The following LDB2 variants were observed in gnomAD, a reference collection of about 807,000 sequenced individuals.
LDB2 encodes the protein LIM domain binding 2, also known as LIM domain-binding protein 2.
LDB2 carries 12 observed loss-of-function variants against 44.3 expected under a neutral mutation model. The ratio of observed to expected loss-of-function variants is 0.27; its 90% CI spans 0.17 to 0.44. LDB2 has a LOEUF of 0.44. Ranked by LOEUF, LDB2 falls within the 20% of genes least tolerant of loss-of-function variation. The pLI is 1.00. For missense variants in LDB2, 344 were observed against 473.5 expected (o/e 0.73, Z 2.54); for synonymous variants, 164 against 174.8 (o/e 0.94, Z 0.49).
At chr4:16,610,866 G>A (rs1163435757) in intron 2 of LDB2, among the ~76,000 whole-genome samples, 6 of 152,150 alleles carry the variant, frequency 3.9e-5, no homozygotes, top group African/African-American at 1.4e-4. Context: ...TACAGAGAAC[G>A]CCATTAAGAT....
At chr4:16,512,819 T>C (rs188056850) in intron 5 of LDB2, among the ~76,000 whole-genome samples, 27 of 152,344 alleles carry the variant, frequency 1.8e-4, no homozygotes, top group Non-Finnish European at 3.4e-4. Flanking sequence ...TTTTTCAGCC[T>C]TACTTTGGTC....
intron 5 of LDB2, among the ~76,000 whole-genome samples, chr4:16,557,655 G>C (rs906647120): frequency 3.7e-4 from 57 of 152,338 alleles, no homozygotes; most frequent in African/African-American, 1.2e-3. Flanking sequence ...CAAACAAAAA[G>C]ACAGCAGTAA....
Position 16,582,884 on chromosome 4 carries a change from G to A in LDB2, c.615+3038C>T, listed in dbSNP as rs942831925. On this transcript the variant is annotated intron_variant, in intron 5 of 7. Coordinates refer to ENST00000304523, the MANE Select transcript of LDB2 (RefSeq NM_001290.5). The surrounding 1 kb of genome is among the most constrained non-coding windows in gnomAD (Gnocchi z 4.8). Reference sequence around the variant, plus strand: ...CTCTAACCTTGTCATGCTGGGATGCGACAGGAGGGAACGACAAGAGGGAAC... The same window carrying A: ...CTCTAACCTTGTCATGCTGGGATGCAACAGGAGGGAACGACAAGAGGGAAC... Among the ~76,000 whole-genome samples the A allele has an allele frequency of 1.3e-5, 2 of 152,048 alleles. No individual in the cohort carries two copies. The highest frequency in any genetic ancestry group is 2.4e-5 in the African/African-American group (1 of 41,394).
At chr4:16,712,169 TA>T (rs1756030327) in intron 2 of LDB2, among the ~76,000 whole-genome samples, 1 of 152,118 alleles carries the variant, frequency 6.6e-6, no homozygotes, top group Non-Finnish European at 1.5e-5. Flanking sequence ...ATATATCCAG[TA>T]AGGGAATTGT....
intron 1 of LDB2, among the ~76,000 whole-genome samples, chr4:16,846,522 A>G (rs570176705): frequency 6.6e-6 from 1 of 152,352 alleles, no homozygotes; most frequent in East Asian, 1.9e-4. Context: ...ATGCATGGAA[A>G]TCAGACTTTT....
chr4:16,810,138 A>G (rs1223838071), intron 1 of LDB2, among the ~76,000 whole-genome samples: 1 of 152,170 alleles, frequency 6.6e-6, no homozygotes, highest in Non-Finnish European at 1.5e-5. Context: ...ATGTGTGGTA[A>G]TTAATTCTTC....
intron 2 of LDB2, among the ~76,000 whole-genome samples, chr4:16,715,060 A>T (rs1157740185): frequency 1.3e-5 from 2 of 152,154 alleles, no homozygotes; most frequent in Admixed American, 1.3e-4. Flanking sequence ...GTCATATGTG[A>T]CCAGCTTGTT....
chr4:16,601,615 T>C (rs991834326), intron 2 of LDB2, among the ~76,000 whole-genome samples: 2 of 152,188 alleles, frequency 1.3e-5, no homozygotes, highest in African/African-American at 2.4e-5. Context: ...TTTACCATAC[T>C]AGGATTTAAA....
intron 1 of LDB2, among the ~76,000 whole-genome samples, chr4:16,875,147 A>C (rs1398819038): frequency 6.6e-6 from 1 of 152,170 alleles, no homozygotes; most frequent in Admixed American, 6.5e-5. Context: ...CTGAGAATCA[A>C]TAGCAGCTGG....
chr4:16,630,661 G>A (rs1489482099), intron 2 of LDB2, among the ~76,000 whole-genome samples: 5 of 152,046 alleles, frequency 3.3e-5, no homozygotes, highest in African/African-American at 7.2e-5. Context: ...ATAAAGAGTC[G>A]AGACCCATCG....
At chr4:16,791,911 C>T (rs1775838103) in intron 1 of LDB2, among the ~76,000 whole-genome samples, 1 of 152,124 alleles carries the variant, frequency 6.6e-6, no homozygotes, top group Admixed American at 6.5e-5. Context: ...ATGGTGGTAC[C>T]TATTTACATG....
intron 2 of LDB2, among the ~76,000 whole-genome samples, chr4:16,675,692 T>C (rs1746100567): frequency 6.6e-6 from 1 of 152,218 alleles, no homozygotes. Context: ...CCTTTAACAC[T>C]ATCTATGTCT....
intron 1 of LDB2, among the ~76,000 whole-genome samples, chr4:16,815,836 T>G (rs999500719): frequency 4.6e-5 from 7 of 152,236 alleles, no homozygotes; most frequent in African/African-American, 1.7e-4. Context: ...CAGTGACATG[T>G]GGTCTTTCCA....
intron 2 of LDB2, among the ~76,000 whole-genome samples, chr4:16,701,721 G>A (rs1753484485): frequency 1.3e-5 from 2 of 152,212 alleles, no homozygotes; most frequent in African/African-American, 4.8e-5. Flanking sequence ...ACGGCTTGTG[G>A]CGTTCAGGCT....
chr4:16,772,285 A>G (rs965614095), intron 1 of LDB2, among the ~76,000 whole-genome samples: 37 of 152,216 alleles, frequency 2.4e-4, no homozygotes, highest in African/African-American at 8.0e-4. Flanking sequence ...ACATACAAAA[A>G]ATTGTGTTCA....
At chr4:16,812,582 TTATATA>T (rs6148319) in intron 1 of LDB2, among the ~76,000 whole-genome samples, 67,601 of 115,048 alleles carry the variant, frequency 0.59, 20,191 homozygotes, top group South Asian at 0.7. Context: ...ATCAATGAAA[TTATATA>T]TATATATATA....
intron 2 of LDB2, among the ~76,000 whole-genome samples, chr4:16,624,298 T>C (rs901216961): frequency 6.6e-6 from 1 of 152,188 alleles, no homozygotes; most frequent in Non-Finnish European, 1.5e-5. Flanking sequence ...GGTCTCACTA[T>C]GTTGCCCAGG....
chr4:16,815,648 G>C (rs1269125045), intron 1 of LDB2, among the ~76,000 whole-genome samples: 2 of 152,090 alleles, frequency 1.3e-5, no homozygotes, highest in East Asian at 3.9e-4. Context: ...CAAGTCTCAA[G>C]ACAAAGTCTC....
chr4:16,718,367 C>G (rs939816993), intron 2 of LDB2, among the ~76,000 whole-genome samples: 2 of 151,974 alleles, frequency 1.3e-5, no homozygotes, highest in African/African-American at 4.8e-5. Context: ...TATGTCGAGT[C>G]TAATGCAATG....
Sources: allele counts gnomAD v4.1 joint callset (sites outside exome capture counted in the v4.1 genomes callset), GRCh38; gene constraint gnomAD v4.1.1; non-coding constraint Gnocchi (gnomAD v3.1); transcripts MANE v1.5; gene names NCBI Gene and HGNC (gene_info 2026-07-23, HGNC 2026-07-21).